PER1: variants seen among roughly 807,000 people sequenced by gnomAD.
PER1 encodes period circadian regulator 1.
A neutral mutation model predicts 125.9 loss-of-function variants in PER1; 87 were observed. The ratio of observed to expected loss-of-function variants is 0.69; its 90% CI spans 0.58 to 0.83. The LOEUF is 0.83. Among genes scored for constraint, PER1 ranks in the 40% least tolerant of loss-of-function variants. PER1 has a pLI of 0.00. For missense variants in PER1, 1,775 were observed against 1,722.8 expected (o/e 1.03, Z -0.54); for synonymous variants, 801 against 714.7 (o/e 1.12, Z -1.93).
At position 8,148,895 on chromosome 17, in the gene PER1, G is replaced by A. The variant is rs1364721770; in HGVS notation, c.906-109C>T. The A allele has an allele frequency of 2.2e-6, 3 of 1,339,312 alleles. No homozygotes were observed. In the Admixed American group the frequency reaches 6.8e-5, roughly 30 times the overall value. 83.0% of individuals were successfully genotyped at this position (1,339,312 alleles called of 1,614,324 possible). The stretch of plus-strand genomic sequence containing the variant: ...AAAGACGCTGGGGAGGGGGCAGGAG[G>A]AGGCAGAGGTAGGCCGGGCACGGTG... On this transcript the variant is annotated intron_variant, in intron 7 of 22. Coordinates refer to ENST00000317276, the MANE Select transcript of PER1 (RefSeq NM_002616.3).
chr17:8,148,722 T>C lies in PER1; in HGVS notation c.970A>G (p.Lys324Glu), dbSNP rs1982622151. Reference protein sequence around the residue: ...QPFRLTPYVTKIRVSDGAPAQ... With the variant: ...QPFRLTPYVTEIRVSDGAPAQ... Reference sequence around the variant, plus strand: ...GGGGCCCCATCTGAGACCCGGATCTTGGTCACATACGGGGTTAGGCGGAAT... The same window carrying C: ...GGGGCCCCATCTGAGACCCGGATCTCGGTCACATACGGGGTTAGGCGGAAT... The change falls in exon 8 of 23, where the codon AAG becomes GAG. Residue 324 changes from lysine (K) to glutamate (E), a missense_variant. By Grantham distance (56) the Lys-to-Glu change is moderately conservative. Transcript: ENST00000317276. 1 of 1,613,734 alleles carries C rather than the reference T, an allele frequency of 6.2e-7. No homozygotes were observed.
In PER1 at chr17:8,140,512, A is replaced by C; in HGVS notation, c.*556T>G. ...TTGTATTAAAAAAGTAGTAACAGAC[A>C]CAAATATCAAAAACACAAATGCCAT... is the stretch of plus-strand genomic sequence containing the variant. On this transcript the variant is annotated 3_prime_UTR_variant, in exon 23 of 23. Coordinates refer to ENST00000317276, the MANE Select transcript of PER1 (RefSeq NM_002616.3). The C allele has an allele frequency of 4.6e-6, 1 of 217,034 alleles. No homozygotes were observed. Among genetic ancestry groups the C allele is most frequent in the Non-Finnish European group, 9.3e-6 (1 of 107,570 alleles). The allele number at this position is 217,034 out of a possible 1,614,324, so 13.4% of individuals were successfully genotyped here.
rs571320541 is a variant in PER1, at chr17:8,143,360, G to A, written c.2978C>T (p.Pro993Leu). 1.2e-6 allele frequency: 2 copies of A among 1,613,088 alleles called. No homozygotes were observed. Among genetic ancestry groups the A allele is most frequent in the East Asian group, 4.5e-5 (2 of 44,830 alleles). Residue 993 changes from proline to leucine, a missense_variant, in exon 19 of 23, where the codon CCC becomes CTC. Physicochemically the swap from Pro to Leu is moderately conservative, Grantham distance 98 (BLOSUM62 -3). Transcript: ENST00000317276. ...TGCAACAGCAGCCCCCTCAGCACGG[G>A]GGAGCTCCTCCAGCTGCAGCAGATT... The part of the protein sequence containing the change: ...QLNLLQLEEL[P>L]RAEGAAVAGG...
chr17:8,144,791 G>A lies in PER1; in HGVS notation c.2421C>T (p.Leu807=), dbSNP rs372415801. 130 of 1,583,786 alleles carry A rather than the reference G, an allele frequency of 8.2e-5. No homozygotes were observed. The highest frequency in any genetic ancestry group is 1.0e-4 in the Non-Finnish European group (121 of 1,165,506). The change falls in exon 18 of 23, where the codon CTC becomes CTT. Residue 807 remains leucine, a synonymous_variant. Transcript: ENST00000317276. The part of the protein sequence containing the change: ...RFRDLGRLRG[L]DSSSTAPSAL... ...CTGAGGGAGCTGTGGAAGAGCTGTC[G>A]AGTCCACGCAGCCTGCCCAGGTCTC...
chr17:8,143,351 T>G lies in PER1; in HGVS notation c.2987A>C (p.Glu996Ala). The change falls in exon 19 of 23, where the codon GAG (glutamate) becomes GCG (alanine). Residue 996 changes from glutamate to alanine, a missense_variant. By Grantham distance (107) the Glu-to-Ala change is moderately radical (BLOSUM62 -1). Coordinates refer to ENST00000317276, the MANE Select transcript of PER1 (RefSeq NM_002616.3). ...LLQLEELPRA[E>A]GAAVAGGPGS... Reference sequence around the variant, plus strand: ...AGGGCCTCCTGCAACAGCAGCCCCCTCAGCACGGGGGAGCTCCTCCAGCTG... The same window carrying G: ...AGGGCCTCCTGCAACAGCAGCCCCCGCAGCACGGGGGAGCTCCTCCAGCTG... The G allele has an allele frequency of 6.2e-7, 1 of 1,611,850 alleles. No individual in the cohort carries two copies. The highest frequency in any genetic ancestry group is 8.5e-7 in the Non-Finnish European group (1 of 1,178,910).
intron 1 of PER1, among the ~76,000 whole-genome samples, chr17:8,151,554 G>A (rs1396349585): frequency 6.6e-6 from 1 of 152,130 alleles, no homozygotes; most frequent in African/African-American, 2.4e-5. Flanking sequence ...TCCCCAGGAC[G>A]AAGCACAACG....
At chr17:8,142,009 G>A in intron 21 of PER1, 54 bp from the exon 22 acceptor site, 1 of 1,605,780 alleles carries the variant, frequency 6.2e-7, no homozygotes, top group South Asian at 1.1e-5. Context: ...CCCGGACCAG[G>A]ACCCATGAAG....
At chr17:8,145,799 G>A (rs374261773) in intron 17 of PER1, among the ~76,000 whole-genome samples, 159 bp downstream of exon 17, 22 of 152,278 alleles carry the variant, frequency 1.4e-4, no homozygotes, top group Middle Eastern at 3.4e-3. Flanking sequence ...CGAGAAGCCT[G>A]GCAGGGAGGG....
At chr17:8,144,513 C>T (rs55844333) in intron 18 of PER1, 9,982 of 530,006 alleles carry the variant, frequency 0.019, 132 homozygotes, top group Non-Finnish European at 0.025. Context: ...CTGGAGACAG[C>T]ACCTCTGCCT....
chr17:8,141,037 T>G lies in PER1; in HGVS notation c.*31A>C, dbSNP rs901543265. ...GGACATAGGAGAAGAAAGCCTCTCATGGACTCCTGGAGATGGTCCCAGAAT... is the reference window on the plus strand; with the variant it reads ...GGACATAGGAGAAGAAAGCCTCTCAGGGACTCCTGGAGATGGTCCCAGAAT... On this transcript the variant is annotated 3_prime_UTR_variant, in exon 23 of 23. Transcript: ENST00000317276. 1 of 1,583,592 alleles carries G rather than the reference T, an allele frequency of 6.3e-7. No homozygotes were observed. Among genetic ancestry groups the G allele is most frequent in the Non-Finnish European group, 8.6e-7 (1 of 1,161,840 alleles).
chr17:8,142,546 G>A (rs1982149049), intron 20 of PER1, 88 bp from the exon 21 acceptor site: 1 of 1,550,196 alleles, frequency 6.5e-7, no homozygotes, highest in Non-Finnish European at 8.7e-7. Context: ...AAGGCCACAT[G>A]TCCATCCCAG....
chr17:8,142,542 A>G, intron 20 of PER1, 84 bp from the exon 21 acceptor site: 1 of 1,552,038 alleles, frequency 6.4e-7, no homozygotes, highest in Non-Finnish European at 8.7e-7. Flanking sequence ...CTCAAAGGCC[A>G]CATGTCCATC....
At chr17:8,150,985 G>A in intron 1 of PER1, 140 bp from the exon 2 acceptor site, 1 of 444,396 alleles carries the variant, frequency 2.3e-6, no homozygotes, top group Non-Finnish European at 4.0e-6. Context: ...GGCTTCCAAT[G>A]GGGAGTCAGG....
At chr17:8,152,149 A>T (rs978705949) in intron 1 of PER1, among the ~76,000 whole-genome samples, 188 bp downstream of exon 1, 14 of 152,212 alleles carry the variant, frequency 9.2e-5, no homozygotes, top group Non-Finnish European at 1.8e-4. Context: ...TGAGTGGGTC[A>T]GGAGTGCAGA....
intron 10 of PER1, 21 bp downstream of exon 10, chr17:8,147,976 A>G (rs780476937): frequency 6.2e-7 from 1 of 1,602,722 alleles, no homozygotes; most frequent in Non-Finnish European, 8.5e-7. Flanking sequence ...GGGAAGGGCG[A>G]GCAGGGCGAG....
chr17:8,149,172 G>A (rs1377813303), intron 7 of PER1, 87 bp downstream of exon 7: 6 of 1,217,756 alleles, frequency 4.9e-6, no homozygotes, highest in Middle Eastern at 1.9e-4. Context: ...CTGGGTGACA[G>A]AGTGAGACTC....
intron 5 of PER1, 43 bp from the exon 6 acceptor site, chr17:8,149,706 GAGA>G (rs766308994): frequency 5.0e-6 from 8 of 1,611,688 alleles, no homozygotes; most frequent in African/African-American, 4.0e-5. Context: ...AGAGCTGTGG[GAGA>G]AGGAGTAGGG....
chr17:8,150,142 G>A lies in PER1; in HGVS notation c.375-17C>T, dbSNP rs377725377. On this transcript the variant is annotated splice_polypyrimidine_tract_variant and intron_variant, in intron 3 of 22. Transcript: ENST00000317276. ...TGTTCACTGCTGCGGGGCCCACAGG[G>A]AAGAAAGAGATAAAGACATTAGTCC... The A allele has an allele frequency of 9.3e-6, 15 of 1,612,832 alleles. No homozygotes were observed. The highest frequency in any genetic ancestry group is 3.3e-5 in the Admixed American group (2 of 59,986).
rs1982591948 is a variant in PER1 at position 8,148,301 on chromosome 17, G to A, written c.1049-42C>T. 1.1e-5 allele frequency: 17 copies of A among 1,517,642 alleles called. No individual in the cohort carries two copies. The East Asian group carries it at 3.6e-4, about 32-fold the overall frequency. 94.0% of individuals were successfully genotyped at this position (1,517,642 alleles called of 1,614,324 possible). On this transcript the variant is annotated intron_variant, in intron 8 of 22. Coordinates refer to ENST00000317276, the MANE Select transcript of PER1 (RefSeq NM_002616.3). ...GTGGTCACTGGGTTTCGTCCAGAAT[G>A]CCCAACTCCTCAGCCCTCCACTCTG...
Sources: gnomAD v4.1 joint callset for allele counts (sites outside exome capture counted in the v4.1 genomes callset) on GRCh38, gnomAD v4.1.1 for gene constraint, MANE v1.5 for transcripts, NCBI Gene and HGNC (gene_info 2026-07-23, HGNC 2026-07-21) for gene names.